Variants in PHLPP1 observed in about 807,000 individuals in gnomAD.
The protein encoded by PHLPP1 is PH domain leucine-rich repeat-containing protein phosphatase 1.
In PHLPP1, 42 loss-of-function variants were observed where a neutral mutation model predicts 117.2. The observed-to-expected ratio is 0.36, with a 90% CI of 0.28 to 0.46. The LOEUF (loss-of-function observed/expected upper bound fraction) is 0.46, where lower values mean the gene tolerates loss of function less well. PHLPP1 is among the 20% of genes least tolerant of loss of function. PHLPP1 has a pLI of 1.00. For synonymous variants in PHLPP1, 1,042 were observed against 970.7 expected, an observed-to-expected ratio of 1.07 and a Z score of -1.37; for missense variants, 2,084 against 2,241.9, an observed-to-expected ratio of 0.93 and a Z score of 1.42.
At chr18:62,743,462 G>T (rs1048143206) in intron 1 of PHLPP1, among the ~76,000 whole-genome samples, 5 of 151,778 alleles carry the variant, frequency 3.3e-5, no homozygotes, top group African/African-American at 7.3e-5. Flanking sequence ...AGGTTATTTT[G>T]AAACTAATCC....
intron 10 of PHLPP1, 147 bp downstream of exon 10, chr18:62,920,261 C>A: frequency 1.2e-6 from 1 of 803,784 alleles, no homozygotes; most frequent in Non-Finnish European, 2.0e-6. Flanking sequence ...AGCCACTTTA[C>A]TGACCATTTT....
intron 1 of PHLPP1, among the ~76,000 whole-genome samples, chr18:62,811,668 A>G (rs1914125852): frequency 6.6e-6 from 1 of 152,144 alleles, no homozygotes; most frequent in South Asian, 2.1e-4. Flanking sequence ...AAGTTTTAAA[A>G]CAAAGCTTCT....
intron 1 of PHLPP1, among the ~76,000 whole-genome samples, chr18:62,803,860 T>C (rs1211948491): frequency 1.3e-5 from 2 of 152,218 alleles, no homozygotes; most frequent in Admixed American, 1.3e-4. Context: ...TTTGCTATTG[T>C]TGGTCTTAAG....
chr18:62,761,565 G>A (rs1406456462), intron 1 of PHLPP1, among the ~76,000 whole-genome samples: 3 of 152,008 alleles, frequency 2.0e-5, no homozygotes, highest in South Asian at 2.1e-4. Flanking sequence ...CCCAGGAGGC[G>A]GAGCTTGCAG....
intron 1 of PHLPP1, among the ~76,000 whole-genome samples, chr18:62,773,930 A>G (rs1224004496): frequency 6.6e-6 from 1 of 152,188 alleles, no homozygotes; most frequent in African/African-American, 2.4e-5. Flanking sequence ...CCTGGCAGGA[A>G]AGGCAAGGCA....
rs1910140844 is a variant in PHLPP1 at position 62,941,896 on chromosome 18, C to T, written c.3139C>T (p.Arg1047Ter). Residue 1047 changes from arginine (R) to a stop codon, truncating the protein, a stop_gained, in exon 11 of 17, where the codon CGA (arginine) becomes TGA (stop). Coordinates refer to ENST00000262719, the MANE Select transcript of PHLPP1 (RefSeq NM_194449.4). LOFTEE classifies it high-confidence loss of function. ...GAAGATCCTTCACATGGCCTATAAC[C>T]GACTTCAGAGTTTTCCAGCAAGGTA... ...HLKILHMAYN[R>*]LQSFPASKMA... 1 of 1,613,636 alleles carries T rather than the reference C, an allele frequency of 6.2e-7. No individual in the cohort carries two copies. The highest frequency in any genetic ancestry group is 8.5e-7 in the Non-Finnish European group (1 of 1,179,632).
chr18:62,954,547 G>A (rs551695850), intron 12 of PHLPP1, among the ~76,000 whole-genome samples: 7 of 152,264 alleles, frequency 4.6e-5, no homozygotes, highest in Admixed American at 2.0e-4. Flanking sequence ...GCTTCTAAGC[G>A]TGTTGCTCAC....
At chr18:62,921,557 T>C (rs2144427533) in intron 10 of PHLPP1, among the ~76,000 whole-genome samples, 1 of 152,364 alleles carries the variant, frequency 6.6e-6, no homozygotes, top group East Asian at 1.9e-4. Context: ...TAACACCATG[T>C]GGCCAGTGAC....
chr18:62,873,675 T>A (rs1915965565), intron 4 of PHLPP1, among the ~76,000 whole-genome samples: 2 of 152,188 alleles, frequency 1.3e-5, no homozygotes, highest in Non-Finnish European at 2.9e-5. Context: ...CAGTAGAAGT[T>A]GGTATTTTAA....
At chr18:62,919,854 A>G in intron 9 of PHLPP1, 105 bp from the exon 10 acceptor site, 1 of 764,460 alleles carries the variant, frequency 1.3e-6, no homozygotes, top group Non-Finnish European at 2.1e-6. Flanking sequence ...TTTATATTAA[A>G]ATGAATTTGT....
intron 1 of PHLPP1, among the ~76,000 whole-genome samples, chr18:62,821,809 T>C (rs1241932873): frequency 1.3e-5 from 2 of 151,402 alleles, no homozygotes; most frequent in African/African-American, 4.9e-5. Context: ...TGGAGTGCAG[T>C]GGTGCTGTTT....
At chr18:62,764,949 G>A (rs936023709) in intron 1 of PHLPP1, among the ~76,000 whole-genome samples, 10 of 152,120 alleles carry the variant, frequency 6.6e-5, no homozygotes, top group Admixed American at 5.9e-4. Context: ...CTTTTCCAGT[G>A]TCATTGGCCA....
chr18:62,716,680 C>A lies in PHLPP1; in HGVS notation c.997C>A (p.Pro333Thr). Residue 333 changes from proline to threonine, a missense_variant, in exon 1 of 17, where the codon CCT (proline) becomes ACT (threonine). Physicochemically the swap from Pro to Thr is conservative, Grantham distance 38 (BLOSUM62 -1). Coordinates refer to ENST00000262719, the MANE Select transcript of PHLPP1 (RefSeq NM_194449.4). This position sits in a 1 kb window ranked among gnomAD's most constrained non-coding sequence, Gnocchi z 5.7. ...SSPGEPFVGG[P>T]VSSPRAPRPV... ...CCCCGGCGAGCCGTTCGTTGGGGGC[C>A]CTGTCTCTTCGCCCCGCGCCCCACG... The A allele has an allele frequency of 6.8e-7, 1 of 1,465,410 alleles. No individual in the cohort carries two copies. The allele number at this position is 1,465,410 out of a possible 1,614,324, so 90.8% of individuals were successfully genotyped here. A position where few individuals can be genotyped will look rare whatever the true frequency, so the allele number is the denominator to read the frequency against.
At position 62,876,661 on chromosome 18, in the gene PHLPP1, G is replaced by A. The variant is rs149228921; in HGVS notation, c.2066+16060G>A. Reference sequence around the variant, plus strand: ...GCTTTGAGCAGCGGAACCATTTCTTGTATTTAGTATTCAAGGTGACTATTT... The same window carrying A: ...GCTTTGAGCAGCGGAACCATTTCTTATATTTAGTATTCAAGGTGACTATTT... On this transcript the variant is annotated intron_variant, in intron 4 of 16. Transcript: ENST00000262719. Among the ~76,000 whole-genome samples, 14 of 152,290 alleles carry A rather than the reference G, an allele frequency of 9.2e-5. No homozygotes were observed. The East Asian group carries it at 1.2e-3, about 13-fold the overall frequency.
At chr18:62,876,847 G>T (rs1212818373) in intron 4 of PHLPP1, among the ~76,000 whole-genome samples, 1 of 152,174 alleles carries the variant, frequency 6.6e-6, no homozygotes, top group Non-Finnish European at 1.5e-5. Flanking sequence ...AGATGACTTG[G>T]GTCAAGAGGG....
At chr18:62,806,369 T>C (rs1401926013) in intron 1 of PHLPP1, among the ~76,000 whole-genome samples, 1 of 152,232 alleles carries the variant, frequency 6.6e-6, no homozygotes, top group East Asian at 1.9e-4. Context: ...CTCTGTTATT[T>C]ATTTCTAGTG....
chr18:62,819,731 T>C (rs1225786037), intron 1 of PHLPP1, among the ~76,000 whole-genome samples: 4 of 152,192 alleles, frequency 2.6e-5, no homozygotes, highest in African/African-American at 7.2e-5. Flanking sequence ...CTGCAACCTC[T>C]GCCTCCTGGG....
chr18:62,821,771 A>G (rs1400260411), intron 1 of PHLPP1, among the ~76,000 whole-genome samples: 1 of 145,988 alleles, frequency 6.8e-6, no homozygotes, highest in Non-Finnish European at 1.5e-5. Context: ...TTTTTTTTTG[A>G]GACAGAGTCT....
chr18:62,835,105 T>C (rs1599072839), intron 2 of PHLPP1, among the ~76,000 whole-genome samples: 1 of 152,326 alleles, frequency 6.6e-6, no homozygotes, highest in South Asian at 2.1e-4. Flanking sequence ...ATTCAAATGA[T>C]GACAGGTTTC....
Sources: gnomAD v4.1 joint callset for allele counts (sites outside exome capture counted in the v4.1 genomes callset) on GRCh38, gnomAD v4.1.1 for gene constraint, Gnocchi (gnomAD v3.1) non-coding constraint, MANE v1.5 for transcripts, NCBI Gene and HGNC (gene_info 2026-07-23, HGNC 2026-07-21) for gene names.